DOCK2: variants seen among roughly 807,000 people sequenced by gnomAD.
DOCK2 encodes the protein dedicator of cytokinesis 2.
Under a neutral mutation model 248.9 loss-of-function variants are expected in DOCK2, and 87 were observed. That is an observed-to-expected ratio of 0.35 (90% CI 0.29 to 0.42). The LOEUF is 0.42. Ranked by LOEUF, DOCK2 falls within the 10% of genes least tolerant of loss-of-function variation. The pLI is 1.00. For synonymous variants in DOCK2, 805 were observed against 821.6 expected (o/e 0.98, Z 0.35); for missense variants, 1,747 against 2,300.2 (o/e 0.76, Z 4.92).
chr5:169,770,873 TTG>T (rs1460297832), intron 25 of DOCK2, among the ~76,000 whole-genome samples: 5 of 152,204 alleles, frequency 3.3e-5, no homozygotes, highest in Non-Finnish European at 7.3e-5. Flanking sequence ...AGGCATTGGG[TTG>T]TGTCAGTGTT....
chr5:169,712,056 A>G, intron 16 of DOCK2, 49 bp downstream of exon 16: 1 of 1,612,750 alleles, frequency 6.2e-7, no homozygotes, highest in Non-Finnish European at 8.5e-7. Flanking sequence ...TAAGGGGAGA[A>G]GAATGGAAGA....
chr5:169,789,156 T>C (rs1337812446), intron 25 of DOCK2, among the ~76,000 whole-genome samples: 1 of 152,242 alleles, frequency 6.6e-6, no homozygotes, highest in Non-Finnish European at 1.5e-5. Flanking sequence ...TCCATGTCCC[T>C]GTCTCCACTC....
chr5:169,678,184 T>G (rs1423359049), intron 6 of DOCK2, among the ~76,000 whole-genome samples: 1 of 151,906 alleles, frequency 6.6e-6, no homozygotes, highest in Non-Finnish European at 1.5e-5. Flanking sequence ...AGCTTCAAAG[T>G]ATGTTTCAAG....
chr5:169,942,512 T>A (rs932336791), intron 27 of DOCK2, among the ~76,000 whole-genome samples: 1 of 152,236 alleles, frequency 6.6e-6, no homozygotes, highest in South Asian at 2.1e-4. Context: ...AAATTTGAAC[T>A]CATTTGCAAG....
chr5:169,858,266 G>C (rs534879788), intron 27 of DOCK2, among the ~76,000 whole-genome samples: 1 of 152,188 alleles, frequency 6.6e-6, no homozygotes, highest in Non-Finnish European at 1.5e-5. Flanking sequence ...GGACAACTGC[G>C]CCAAGGACTT....
intron 27 of DOCK2, among the ~76,000 whole-genome samples, chr5:169,924,623 ACTAAGACTTC>A (rs1198748292): frequency 3.9e-5 from 6 of 152,214 alleles, no homozygotes; most frequent in African/African-American, 1.4e-4. Flanking sequence ...ATTTGAACAA[ACTAAGACTTC>A]CTATTAGCAA....
At chr5:169,777,083 C>G (rs1165610440) in intron 25 of DOCK2, among the ~76,000 whole-genome samples, 1 of 152,230 alleles carries the variant, frequency 6.6e-6, no homozygotes, top group South Asian at 2.1e-4. Flanking sequence ...ATTTGTTTAC[C>G]ATTGGATGTG....
At position 170,041,030 on chromosome 5, in the gene DOCK2, TTACTGCA is replaced by T; in HGVS notation, c.3666-22_3666-16del. The T allele has an allele frequency of 6.2e-7, 1 of 1,606,112 alleles. No individual in the cohort carries two copies. On this transcript the variant is annotated intron_variant, in intron 36 of 51. Coordinates refer to ENST00000520908, the MANE Select transcript of DOCK2 (RefSeq NM_004946.3). Reference sequence around the variant, plus strand: ...TCTCCTTTTCACTGCACCTGGTAGCTTACTGCATATTTTCCCTCAAACAGGTACCTGT... The same window carrying T: ...TCTCCTTTTCACTGCACCTGGTAGCTTATTTTCCCTCAAACAGGTACCTGT...
intron 23 of DOCK2, among the ~76,000 whole-genome samples, chr5:169,753,588 G>A (rs413935): frequency 0.32 from 47,919 of 152,088 alleles, 10,743 homozygotes; most frequent in African/African-American, 0.62. Context: ...TTTTGGCTGT[G>A]TAAGTCCAGA....
intron 22 of DOCK2, among the ~76,000 whole-genome samples, chr5:169,719,413 G>A (rs1290410997): frequency 6.6e-6 from 1 of 152,232 alleles, no homozygotes; most frequent in Non-Finnish European, 1.5e-5. Flanking sequence ...TTGTTTGTGT[G>A]TAATCAGGTT....
chr5:170,041,211 G>A, intron 37 of DOCK2, 66 bp downstream of exon 37: 1 of 1,418,436 alleles, frequency 7.1e-7, no homozygotes, highest in African/African-American at 1.4e-5. Flanking sequence ...GCAAGTTGAA[G>A]AGTGAAAAAA....
intron 30 of DOCK2, among the ~76,000 whole-genome samples, chr5:170,002,848 T>A (rs566713826): frequency 2.6e-4 from 39 of 152,334 alleles, no homozygotes; most frequent in African/African-American, 9.1e-4. Flanking sequence ...CTGTGCATTT[T>A]GCTAAAGACA....
intron 1 of DOCK2, among the ~76,000 whole-genome samples, chr5:169,652,809 C>A (rs1050560377): frequency 1.3e-5 from 2 of 152,124 alleles, no homozygotes; most frequent in Admixed American, 6.6e-5. Flanking sequence ...TAGAGACTGG[C>A]GGTGGTCTCT....
intron 27 of DOCK2, among the ~76,000 whole-genome samples, chr5:169,940,624 A>T (rs1287333074): frequency 6.6e-6 from 1 of 152,314 alleles, no homozygotes; most frequent in African/African-American, 2.4e-5. Flanking sequence ...TAGGCATTAG[A>T]TTCTCATAAG....
intron 22 of DOCK2, among the ~76,000 whole-genome samples, chr5:169,722,756 G>C (rs565554234): frequency 6.1e-4 from 93 of 152,184 alleles, no homozygotes; most frequent in African/African-American, 2.0e-3. Context: ...AAACAGCAAG[G>C]GTGCTTTTTT....
At position 169,674,389 on chromosome 5, in the gene DOCK2, G is replaced by C; in HGVS notation, c.414G>C (p.Lys138Asn). The change falls in exon 6 of 52, where the codon AAG becomes AAC. Residue 138 changes from lysine to asparagine, a missense_variant. Physicochemically the swap from Lys to Asn is moderately conservative, Grantham distance 94. Around this residue, in one of 4 missense-constraint regions of DOCK2, gnomAD observed 375 missense variants for 510.9 expected, o/e 0.73. Transcript: ENST00000520908. ...RSQLLSGTLP[K>N]DELKELKQKV... ...AGCTTCTCTCAGGAACCTTACCCAA[G>C]GATGAGCTGAAGGAACTGAAGCAGA... 1 of 1,614,178 alleles carries C rather than the reference G, an allele frequency of 6.2e-7. No homozygotes were observed. The highest frequency in any genetic ancestry group is 1.1e-5 in the South Asian group (1 of 91,088).
At chr5:169,801,057 G>A (rs1162533429) in intron 25 of DOCK2, among the ~76,000 whole-genome samples, 1 of 133,484 alleles carries the variant, frequency 7.5e-6, no homozygotes, top group Non-Finnish European at 1.5e-5. Flanking sequence ...CCTGGTTTAA[G>A]CTTCTGCCTG....
chr5:169,974,803 C>T (rs571615038), intron 27 of DOCK2, among the ~76,000 whole-genome samples: 7 of 152,192 alleles, frequency 4.6e-5, no homozygotes, highest in Non-Finnish European at 1.0e-4. Context: ...TGTTTCTGAA[C>T]CTGTTCTTTT....
intron 7 of DOCK2, among the ~76,000 whole-genome samples, chr5:169,682,872 T>G (rs1759745964): frequency 6.6e-6 from 1 of 152,332 alleles, no homozygotes; most frequent in South Asian, 2.1e-4. Context: ...TTCTAGAGTT[T>G]CATATAAGTG....
Sources: allele counts gnomAD v4.1 joint callset (sites outside exome capture counted in the v4.1 genomes callset), GRCh38; gene constraint gnomAD v4.1.1; regional missense constraint gnomAD v4.1.1; transcripts MANE v1.5; gene names NCBI Gene and HGNC (gene_info 2026-07-23, HGNC 2026-07-21).